Variants in TFRC observed in about 807,000 individuals in gnomAD.
TFRC encodes the protein transferrin receptor protein 1.
Under a neutral mutation model 85.8 loss-of-function variants are expected in TFRC, and 35 were observed. That is an observed-to-expected ratio of 0.41 (90% CI 0.31 to 0.54). TFRC has a LOEUF of 0.54. Ranked by LOEUF, TFRC falls within the 20% of genes least tolerant of loss-of-function variation. TFRC has a pLI of 0.31. For missense variants in TFRC, 828 were observed against 921.5 expected, an observed-to-expected ratio of 0.90 and a Z score of 1.31; for synonymous variants, 362 against 328.6, an observed-to-expected ratio of 1.10 and a Z score of -1.10.
intron 4 of TFRC, 145 bp downstream of exon 4, chr3:196,073,785 G>A: frequency 1.3e-6 from 1 of 796,430 alleles, no homozygotes; most frequent in East Asian, 3.0e-5. Context: ...TTTTTTACAG[G>A]CCCCTTCCCC....
chr3:196,055,289 G>C lies in TFRC; in HGVS notation c.1690C>G (p.Pro564Ala). ...GTGTCCATGGTGGTACCCAAATAAG[G>C]ATAATCTGTGTCCTGCAAGACAACG... ...SFCFCEDTDYPYLGTTMDTYK... is the reference protein window; with the variant it reads ...SFCFCEDTDYAYLGTTMDTYK... The change falls in exon 17 of 19, where the codon CCT becomes GCT. Residue 564 changes from proline to alanine, a missense_variant. Coordinates refer to ENST00000360110, the MANE Select transcript of TFRC (RefSeq NM_001128148.3). 1.9e-6 allele frequency: 3 copies of C among 1,614,068 alleles called. No homozygotes were observed. The highest frequency in any genetic ancestry group is 2.5e-6 in the Non-Finnish European group (3 of 1,179,914).
chr3:196,068,609 T>A (rs1382939034), intron 7 of TFRC, among the ~76,000 whole-genome samples: 16 of 14,018 alleles, frequency 1.1e-3, no homozygotes, highest in Admixed American at 2.9e-3. Context: ...AAACTCCCTC[T>A]CAAAAAAAAA....
intron 5 of TFRC, 144 bp downstream of exon 5, chr3:196,071,859 G>A (rs1718236732): frequency 1.2e-6 from 1 of 849,122 alleles, no homozygotes; most frequent in Non-Finnish European, 1.8e-6. Flanking sequence ...AGCAGAGATT[G>A]TGCCACTGCA....
chr3:196,074,307 GCTTT>G (rs1184508584), intron 3 of TFRC, 182 bp from the exon 4 acceptor site: 1 of 481,064 alleles, frequency 2.1e-6, no homozygotes, highest in Non-Finnish European at 3.5e-6. Flanking sequence ...TTATATACTA[GCTTT>G]ATTTCAAATA....
chr3:196,064,747 G>A (rs1014503382), intron 10 of TFRC, among the ~76,000 whole-genome samples: 3 of 152,308 alleles, frequency 2.0e-5, no homozygotes, highest in African/African-American at 7.2e-5. Flanking sequence ...ACTACAGCCC[G>A]CATGCCCATT....
Position 196,059,188 on chromosome 3 carries a change from C to T in TFRC, c.1537-556G>A, listed in dbSNP as rs1016738375. Among the ~76,000 whole-genome samples the T allele has an allele frequency of 8.3e-4, 126 of 152,176 alleles. 1 individual carries two copies. Among genetic ancestry groups the T allele is most frequent in the Non-Finnish European group, 9.6e-4 (65 of 68,010 alleles). ...AATTAGCCAGGTGTGGTGGTGTGCA[C>T]CTGTAGTCCCAGCTCCTCAGGAGGC... On this transcript the variant is annotated intron_variant, in intron 14 of 18. Coordinates refer to ENST00000360110, the MANE Select transcript of TFRC (RefSeq NM_001128148.3).
rs1717532262 is a variant in TFRC, at chr3:196,064,335, TG to T, written c.1291del (p.Gln431ArgfsTer8). 1.2e-6 allele frequency: 2 copies of T among 1,613,368 alleles called. No homozygotes were observed. The highest frequency in any genetic ancestry group is 1.7e-6 in the Non-Finnish European group (2 of 1,179,770). On this transcript the variant is annotated frameshift_variant, in exon 11 of 19. Coordinates refer to ENST00000360110, the MANE Select transcript of TFRC (RefSeq NM_001128148.3). LOFTEE classifies it high-confidence loss of function. The part of the protein sequence containing the change: ...VGTALLLKLA[Q>X]MFSDMVLKDG... ...TTTTAAGACCATATCTGAGAACATC[TG>T]GGCAAGTTTCAATAGGAGAGCTGTG... is the stretch of plus-strand genomic sequence containing the variant.
At chr3:196,057,725 G>A (rs1716920493) in intron 16 of TFRC, among the ~76,000 whole-genome samples, 1 of 149,132 alleles carries the variant, frequency 6.7e-6, no homozygotes, top group Non-Finnish European at 1.5e-5. Context: ...AGGCTGCAGT[G>A]AGCCATGATC....
At chr3:196,075,419 G>T in intron 2 of TFRC, 59 bp from the exon 3 acceptor site, 1 of 1,547,158 alleles carries the variant, frequency 6.5e-7, no homozygotes, top group Non-Finnish European at 8.9e-7. Flanking sequence ...GGAAAAGCTC[G>T]TTTAGGTATA....
rs768539386 is a variant in TFRC, at chr3:196,064,445, A to T, written c.1199-17T>A. On this transcript the variant is annotated splice_polypyrimidine_tract_variant and intron_variant, in intron 10 of 18. Transcript: ENST00000360110. ...CATAGTGATCTTTAAAAAAGAAAAA[A>T]GAGGAAGAAAGAACTTATATAATCA... is the stretch of plus-strand genomic sequence containing the variant. 1 of 1,570,850 alleles carries T rather than the reference A, an allele frequency of 6.4e-7. No individual in the cohort carries two copies.
chr3:196,068,623 A>G (rs1339888791), intron 7 of TFRC, among the ~76,000 whole-genome samples: 1 of 146,204 alleles, frequency 6.8e-6, no homozygotes, highest in Non-Finnish European at 1.5e-5. Context: ...AAAAAAAAAA[A>G]AAAAAAAAAA....
intron 1 of TFRC, 108 bp from the exon 2 acceptor site, chr3:196,077,230 C>T: frequency 1.4e-6 from 1 of 722,648 alleles, no homozygotes. Flanking sequence ...TACATTATCA[C>T]TTTTCTAGAA....
chr3:196,073,510 G>A (rs1718405784), intron 4 of TFRC, among the ~76,000 whole-genome samples: 1 of 152,032 alleles, frequency 6.6e-6, no homozygotes, highest in South Asian at 2.1e-4. Flanking sequence ...CTTAAGGCAG[G>A]CAGTTACCCA....
rs1716264622 is a variant in TFRC, at chr3:196,051,041, C to G, written c.*901G>C. The G allele has an allele frequency of 9.6e-6, 2 of 209,050 alleles. No homozygotes were observed. Among genetic ancestry groups the G allele is most frequent in the East Asian group, 1.5e-4 (2 of 13,722 alleles). 12.9% of individuals were successfully genotyped at this position (209,050 alleles called of 1,614,324 possible). A position where few individuals can be genotyped will look rare whatever the true frequency, so the allele number is the denominator to read the frequency against. On this transcript the variant is annotated 3_prime_UTR_variant, in exon 19 of 19. Transcript: ENST00000360110. The stretch of plus-strand genomic sequence containing the variant: ...TTAAAAAAACACCATTTATAGTGAA[C>G]TCTGTCACTGATAAATAAACAATAA...
chr3:196,080,384 G>A (rs1719064796), intron 1 of TFRC, among the ~76,000 whole-genome samples: 1 of 152,216 alleles, frequency 6.6e-6, no homozygotes, highest in South Asian at 2.1e-4. Flanking sequence ...AATTACAGAC[G>A]TGAGCCACCA....
At chr3:196,053,307 C>T (rs1716497050) in intron 18 of TFRC, 111 bp downstream of exon 18, 1 of 1,206,780 alleles carries the variant, frequency 8.3e-7, no homozygotes, top group African/African-American at 1.5e-5. Flanking sequence ...ATTAATGCTC[C>T]CTTCTTAAAG....
intron 3 of TFRC, 94 bp from the exon 4 acceptor site, chr3:196,074,219 C>A: frequency 8.3e-7 from 1 of 1,209,446 alleles, no homozygotes; most frequent in Non-Finnish European, 1.2e-6. Flanking sequence ...CTTGAAAATA[C>A]TGGTTTTCAT....
At chr3:196,080,712 C>T (rs1197167398) in intron 1 of TFRC, among the ~76,000 whole-genome samples, 1 of 152,274 alleles carries the variant, frequency 6.6e-6, no homozygotes, top group East Asian at 1.9e-4. Flanking sequence ...GCCACCATTA[C>T]TTGATAAGAA....
intron 1 of TFRC, among the ~76,000 whole-genome samples, chr3:196,077,995 G>C (rs975654314): frequency 6.6e-6 from 1 of 152,182 alleles, no homozygotes; most frequent in Non-Finnish European, 1.5e-5. Flanking sequence ...CCTGTTCAAG[G>C]CTGAAAATTG....
Sources: gnomAD v4.1 joint callset for allele counts (sites outside exome capture counted in the v4.1 genomes callset) on GRCh38, gnomAD v4.1.1 for gene constraint, MANE v1.5 for transcripts, NCBI Gene and HGNC (gene_info 2026-07-23, HGNC 2026-07-21) for gene names.